FBXL17: variants seen among roughly 807,000 people sequenced by gnomAD.
FBXL17 encodes F-box/LRR-repeat protein 17.
A neutral mutation model predicts 66.2 loss-of-function variants in FBXL17; 22 were observed. The observed-to-expected ratio is 0.33, with a 90% CI of 0.24 to 0.47. FBXL17 has a LOEUF of 0.47. Among genes scored for constraint, FBXL17 ranks in the 20% least tolerant of loss-of-function variants. The pLI is 1.00. For missense variants in FBXL17, 878 were observed against 948.2 expected (o/e 0.93, Z 0.97); for synonymous variants, 474 against 400.5 (o/e 1.18, Z -2.19).
intron 8 of FBXL17, chr5:107,878,147 T>A (rs1748668826): frequency 1.4e-6 from 1 of 703,642 alleles, no homozygotes; most frequent in Admixed American, 6.6e-5. Flanking sequence ...AAAGTGTAAT[T>A]ACTGACATAT....
At chr5:107,903,159 T>C (rs1749632477) in intron 7 of FBXL17, among the ~76,000 whole-genome samples, 1 of 152,096 alleles carries the variant, frequency 6.6e-6, no homozygotes, top group South Asian at 2.1e-4. Context: ...CTCTGGAAAA[T>C]ATTTGATATT....
chr5:108,169,376 T>C (rs975209485), intron 6 of FBXL17, among the ~76,000 whole-genome samples: 1 of 152,224 alleles, frequency 6.6e-6, no homozygotes, highest in African/African-American at 2.4e-5. Flanking sequence ...ATTCCATAAA[T>C]GTCTATACAT....
Position 107,882,621 on chromosome 5 carries a change from C to T in FBXL17, c.1823-1442G>A, listed in dbSNP as rs530470994. Among the ~76,000 whole-genome samples, 28 of 152,246 alleles carry T rather than the reference C, an allele frequency of 1.8e-4. 1 individual carries two copies. Among genetic ancestry groups the T allele is most frequent in the African/African-American group, 6.0e-4 (25 of 41,532 alleles). ...ACTACTAAAAGTTTGCAGAAATGGT[C>T]TGAATACTATTTTTGTATAGAAGGA... On this transcript the variant is annotated intron_variant, in intron 7 of 8. Transcript: ENST00000542267.
intron 4 of FBXL17, among the ~76,000 whole-genome samples, chr5:108,327,968 T>TA (rs1488288999): frequency 1.3e-5 from 2 of 152,118 alleles, no homozygotes; most frequent in African/African-American, 4.8e-5. Flanking sequence ...TCTATACATT[T>TA]AAAAAATCAA....
intron 7 of FBXL17, among the ~76,000 whole-genome samples, chr5:107,895,478 G>C (rs1348882733): frequency 6.6e-6 from 1 of 151,962 alleles, no homozygotes; most frequent in African/African-American, 2.4e-5. Flanking sequence ...CCTTTATCAG[G>C]ACATGTTTTC....
At chr5:108,341,732 C>T (rs1258829608) in intron 4 of FBXL17, among the ~76,000 whole-genome samples, 9 of 152,086 alleles carry the variant, frequency 5.9e-5, no homozygotes, top group African/African-American at 1.2e-4. Flanking sequence ...ATGAATACTT[C>T]CCTACTACCT....
intron 6 of FBXL17, among the ~76,000 whole-genome samples, chr5:108,056,891 A>G (rs1747730493): frequency 6.6e-6 from 1 of 152,242 alleles, no homozygotes; most frequent in South Asian, 2.1e-4. Context: ...ATAAAATGCC[A>G]ACCTAACTAT....
At chr5:108,258,218 T>C (rs1419179934) in intron 4 of FBXL17, among the ~76,000 whole-genome samples, 4 of 152,166 alleles carry the variant, frequency 2.6e-5, no homozygotes, top group South Asian at 2.1e-4. Context: ...CTCTCTGCTA[T>C]GTGATGACAT....
chr5:108,345,219 C>T (rs1747194463), intron 4 of FBXL17, among the ~76,000 whole-genome samples: 1 of 151,862 alleles, frequency 6.6e-6, no homozygotes, highest in African/African-American at 2.4e-5. Flanking sequence ...CACCTGTAAT[C>T]CTAGCTACTC....
In FBXL17 at chr5:108,122,611, A is replaced by G. The variant is rs75140509; in HGVS notation, c.1745+63506T>C. 3.2e-4 allele frequency among the ~76,000 whole-genome samples: 49 copies of G among 152,306 alleles called. No homozygotes were observed. The East Asian group carries it at 6.9e-3, about 22-fold the overall frequency. ...TAGAGAGAAATGAGTATAATTAGAA[A>G]ACCAACATTACAGAAATGTAAAACG... On this transcript the variant is annotated intron_variant, in intron 6 of 8. Transcript: ENST00000542267.
At chr5:107,871,057 CAAA>C (rs201752049) in intron 8 of FBXL17, among the ~76,000 whole-genome samples, 3 of 65,900 alleles carry the variant, frequency 4.6e-5, no homozygotes, top group African/African-American at 1.5e-4. Flanking sequence ...TCTTGGGCGG[CAAA>C]AAAAAAAAAA....
chr5:107,947,677 G>A (rs1436827448), intron 7 of FBXL17, among the ~76,000 whole-genome samples: 1 of 152,138 alleles, frequency 6.6e-6, no homozygotes, highest in Non-Finnish European at 1.5e-5. Context: ...CTAAAGAGCA[G>A]GGTTCTAGCA....
chr5:108,107,262 G>A (rs1447592355), intron 6 of FBXL17, among the ~76,000 whole-genome samples: 1 of 152,122 alleles, frequency 6.6e-6, no homozygotes, highest in Non-Finnish European at 1.5e-5. Context: ...AGTAGAGACA[G>A]AGTTTCTCCA....
intron 8 of FBXL17, 66 bp downstream of exon 8, chr5:107,880,971 A>G: frequency 6.2e-7 from 1 of 1,613,070 alleles, no homozygotes; most frequent in Non-Finnish European, 8.5e-7. Flanking sequence ...AGGAGAGAGG[A>G]TATGACATCA....
At chr5:108,162,135 T>C (rs1752239720) in intron 6 of FBXL17, among the ~76,000 whole-genome samples, 1 of 152,236 alleles carries the variant, frequency 6.6e-6, no homozygotes, top group South Asian at 2.1e-4. Context: ...TTTTAAACTA[T>C]GTGAAGGTAG....
At chr5:107,962,060 T>G (rs1208223312) in intron 7 of FBXL17, among the ~76,000 whole-genome samples, 1 of 152,164 alleles carries the variant, frequency 6.6e-6, no homozygotes, top group Non-Finnish European at 1.5e-5. Flanking sequence ...ACTTCTATTG[T>G]ATAGTTCTTT....
chr5:108,065,667 A>C (rs1458238056), intron 6 of FBXL17, among the ~76,000 whole-genome samples: 1 of 152,154 alleles, frequency 6.6e-6, no homozygotes, highest in Non-Finnish European at 1.5e-5. Context: ...CATGGAGTAT[A>C]CTGCTTGATA....
intron 5 of FBXL17, among the ~76,000 whole-genome samples, chr5:108,216,863 G>T (rs998327664): frequency 5.3e-5 from 8 of 152,228 alleles, no homozygotes; most frequent in South Asian, 2.1e-4. Context: ...AGCCCATTTG[G>T]ATAAAAACTT....
At chr5:108,274,152 G>C (rs1466554460) in intron 4 of FBXL17, among the ~76,000 whole-genome samples, 1 of 152,178 alleles carries the variant, frequency 6.6e-6, no homozygotes, top group Non-Finnish European at 1.5e-5. Flanking sequence ...AGGAGACAGG[G>C]TTTTTGAGAT....
Sources: gnomAD v4.1 joint callset for allele counts (sites outside exome capture counted in the v4.1 genomes callset) on GRCh38, gnomAD v4.1.1 for gene constraint, MANE v1.5 for transcripts, NCBI Gene and HGNC (gene_info 2026-07-23, HGNC 2026-07-21) for gene names.